Variants in CSMD3 observed in about 807,000 individuals in gnomAD.
CSMD3 encodes the protein CUB and sushi domain-containing protein 3.
CSMD3 carries 177 observed loss-of-function variants against 435.2 expected under a neutral mutation model. That is an observed-to-expected ratio of 0.41 (90% confidence interval 0.36 to 0.46). CSMD3 has a LOEUF of 0.46. Ranked by LOEUF, CSMD3 falls within the 20% of genes least tolerant of loss-of-function variation. CSMD3 has a pLI of 0.34. For synonymous variants in CSMD3, 1,656 were observed against 1,520.5 expected (o/e 1.09, Z -2.07); for missense variants, 4,265 against 4,504.6 (o/e 0.95, Z 1.52).
intron 32 of CSMD3, among the ~76,000 whole-genome samples, chr8:112,453,278 A>G (rs998293047): frequency 1.3e-5 from 2 of 152,112 alleles, no homozygotes; most frequent in Non-Finnish European, 2.9e-5. Context: ...CAATCAGGCA[A>G]GAGAAAGAAA....
At chr8:112,256,922 A>C (rs1162398616) in intron 61 of CSMD3, among the ~76,000 whole-genome samples, 1 of 152,138 alleles carries the variant, frequency 6.6e-6, no homozygotes, top group Admixed American at 6.5e-5. Flanking sequence ...GACCACAACA[A>C]TGGGAATAAA....
chr8:113,152,587 T>C (rs1588160732), intron 4 of CSMD3, among the ~76,000 whole-genome samples: 1 of 152,208 alleles, frequency 6.6e-6, no homozygotes, highest in East Asian at 1.9e-4. Context: ...ATAAAATTAG[T>C]ATATGGGACT....
chr8:112,749,445 C>G (rs1025516605), intron 13 of CSMD3, among the ~76,000 whole-genome samples: 4 of 151,998 alleles, frequency 2.6e-5, no homozygotes, highest in African/African-American at 9.7e-5. Flanking sequence ...TATAGCCTTT[C>G]TATTTAATAA....
At chr8:112,399,917 T>A (rs948449057) in intron 35 of CSMD3, among the ~76,000 whole-genome samples, 1 of 152,192 alleles carries the variant, frequency 6.6e-6, no homozygotes, top group Admixed American at 6.5e-5. Flanking sequence ...AGAGCTTTCC[T>A]CCTTTTCTTC....
intron 13 of CSMD3, among the ~76,000 whole-genome samples, chr8:112,792,875 T>A (rs908994867): frequency 5.9e-5 from 9 of 151,962 alleles, no homozygotes; most frequent in Non-Finnish European, 1.3e-4. Context: ...GAACTATTCA[T>A]AACAAAAATC....
chr8:112,841,512 G>C (rs766334631), intron 11 of CSMD3, among the ~76,000 whole-genome samples: 1 of 151,706 alleles, frequency 6.6e-6, no homozygotes, highest in African/African-American at 2.4e-5. Flanking sequence ...TTATTCCTGT[G>C]TTTATCCTTT....
chr8:113,098,767 T>C lies in CSMD3; in HGVS notation c.906A>G (p.Pro302=). 1 of 1,606,926 alleles carries C rather than the reference T, an allele frequency of 6.2e-7. No homozygotes were observed. ...YDYLEIEGSE[P]PTIWLSGMNI... is the part of the protein sequence containing the mutation. ...AGCTATTTACTTACCATATGGTAGG[T>C]GGCTCAGAACCTTCTATTTCTAAGT... The change falls in exon 5 of 71, where the codon CCA becomes CCG. Residue 302 remains proline (P), a synonymous_variant. Transcript: ENST00000297405.
chr8:112,720,243 G>C (rs4460402), intron 13 of CSMD3, among the ~76,000 whole-genome samples: 118,419 of 152,084 alleles, frequency 0.78, 46,644 homozygotes, highest in African/African-American at 0.88. Context: ...TCTAACCATT[G>C]CAACAATTTG....
At chr8:112,390,821 A>ATCC in intron 35 of CSMD3, 33 bp from the exon 36 acceptor site, 6 of 1,601,878 alleles carry the variant, frequency 3.7e-6, no homozygotes, top group Non-Finnish European at 5.1e-6. Flanking sequence ...GAGGGAGTTA[A>ATCC]TTCTAATGCA....
intron 3 of CSMD3, among the ~76,000 whole-genome samples, chr8:113,253,090 G>A (rs2093348485): frequency 6.6e-6 from 1 of 152,072 alleles, no homozygotes. Flanking sequence ...ACAGAATCCA[G>A]ATAAGAGCTA....
At chr8:112,474,111 G>C (rs1295066764) in intron 31 of CSMD3, among the ~76,000 whole-genome samples, 3 of 152,142 alleles carry the variant, frequency 2.0e-5, no homozygotes, top group African/African-American at 7.2e-5. Flanking sequence ...AACTGGAGCA[G>C]CTCTCTGCAA....
At chr8:113,006,806 A>ATTC (rs1220400111) in intron 6 of CSMD3, among the ~76,000 whole-genome samples, 3 of 151,960 alleles carry the variant, frequency 2.0e-5, no homozygotes, top group African/African-American at 7.2e-5. Context: ...CAAGGGACTA[A>ATTC]TTCGGGCAAG....
intron 22 of CSMD3, among the ~76,000 whole-genome samples, chr8:112,626,229 C>T (rs991674098): frequency 3.3e-5 from 5 of 152,090 alleles, no homozygotes; most frequent in South Asian, 2.1e-4. Context: ...CCTACTCTCT[C>T]GTATTCAACC....
rs149757627 is a variant in CSMD3, at chr8:112,773,110, A to C, written c.1972+27052T>G. The stretch of plus-strand genomic sequence containing the variant: ...CAAGTCTCTCATTCCACCTGACGAG[A>C]AACGCTTACAGGTGTGGAGGGGCAA... On this transcript the variant is annotated intron_variant, in intron 13 of 70. Coordinates refer to ENST00000297405, the MANE Select transcript of CSMD3 (RefSeq NM_198123.2). 3.6e-3 allele frequency among the ~76,000 whole-genome samples: 549 copies of C among 152,122 alleles called. 1 individual carries two copies. Among genetic ancestry groups the C allele is most frequent in the African/African-American group, 0.012 (519 of 41,530 alleles).
chr8:113,121,773 T>C (rs1486697188), intron 4 of CSMD3, among the ~76,000 whole-genome samples: 1 of 152,118 alleles, frequency 6.6e-6, no homozygotes, highest in Non-Finnish European at 1.5e-5. Context: ...TTACAGTTCT[T>C]TATATATTGT....
At chr8:112,666,209 C>T (rs2075520932) in intron 17 of CSMD3, 68 bp downstream of exon 17, 1 of 1,225,974 alleles carries the variant, frequency 8.2e-7, no homozygotes, top group Admixed American at 1.8e-5. Flanking sequence ...TTGGTAAATG[C>T]AAAAGAGAAT....
chr8:113,039,595 G>C (rs2087513963), intron 5 of CSMD3, among the ~76,000 whole-genome samples: 1 of 152,010 alleles, frequency 6.6e-6, no homozygotes, highest in Non-Finnish European at 1.5e-5. Flanking sequence ...ACATTTATTT[G>C]TGTTTTGTCT....
intron 3 of CSMD3, among the ~76,000 whole-genome samples, chr8:113,215,792 T>C (rs558384636): frequency 1.3e-5 from 2 of 151,952 alleles, no homozygotes; most frequent in South Asian, 4.1e-4. Context: ...ATGTAACCTT[T>C]CAAATGTTCT....
intron 8 of CSMD3, among the ~76,000 whole-genome samples, chr8:112,953,664 G>A (rs552761774): frequency 1.8e-4 from 27 of 151,274 alleles, no homozygotes; most frequent in South Asian, 6.2e-4. Context: ...TTTGTTTCTC[G>A]ATAATTGATA....
Sources: allele counts gnomAD v4.1 joint callset (sites outside exome capture counted in the v4.1 genomes callset), GRCh38; gene constraint gnomAD v4.1.1; transcripts MANE v1.5; gene names NCBI Gene and HGNC (gene_info 2026-07-23, HGNC 2026-07-21).